Variants in TMEM67 observed in about 807,000 individuals in gnomAD.
The protein encoded by TMEM67 is transmembrane protein 67.
In TMEM67, 124 loss-of-function variants were observed where a neutral mutation model predicts 136.6. The ratio of observed to expected loss-of-function variants is 0.91; its 90% CI spans 0.78 to 1.05. TMEM67 has a LOEUF of 1.05. Ranked by LOEUF, TMEM67 falls within the 50% of genes least tolerant of loss-of-function variation. The pLI, the probability that TMEM67 is intolerant of heterozygous loss-of-function variation, is 0.00. For synonymous variants in TMEM67, 364 were observed against 390.5 expected (o/e 0.93, Z 0.80); for missense variants, 1,107 against 1,178.4 (o/e 0.94, Z 0.89).
intron 3 of TMEM67, chr8:93,759,976 A>C: frequency 6.5e-7 from 1 of 1,530,160 alleles, no homozygotes; most frequent in South Asian, 1.2e-5. Flanking sequence ...GGAATGTACA[A>C]CATAATTGAA....
chr8:93,792,972 C>T (rs927349196), intron 15 of TMEM67, among the ~76,000 whole-genome samples: 6 of 151,818 alleles, frequency 4.0e-5, no homozygotes, highest in East Asian at 1.9e-4. Flanking sequence ...CGGGTTTCAC[C>T]GTGTTAGCCA....
At chr8:93,793,151 C>T (rs1176663121) in intron 15 of TMEM67, 47 bp from the exon 16 acceptor site, 34 of 1,542,074 alleles carry the variant, frequency 2.2e-5, no homozygotes, top group East Asian at 4.5e-5. Context: ...TTTTGAACAC[C>T]GATGACAGAA....
chr8:93,828,064 T>G, the TMEM67 span, among the ~76,000 whole-genome samples: 1 of 152,180 alleles, frequency 6.6e-6, no homozygotes, highest in African/African-American at 2.4e-5. Context: ...TGAGCAGCTG[T>G]GCCAGCCCCA....
Position 93,814,135 on chromosome 8 carries a change from C to CTT in TMEM67, c.2765-1149_2765-1148dup, listed in dbSNP as rs55774610. 3.1e-3 allele frequency among the ~76,000 whole-genome samples: 191 copies of CTT among 60,782 alleles called. 2 individuals are homozygous for CTT. The highest frequency in any genetic ancestry group is 9.9e-3 in the African/African-American group (171 of 17,278). The allele number at this position is 60,782 out of a possible 152,430, so 39.9% of individuals were successfully genotyped here. On this transcript the variant is annotated intron_variant, in intron 26 of 27. Coordinates refer to ENST00000453321, the MANE Select transcript of TMEM67 (RefSeq NM_153704.6). ...TGTTTGCAAGAGTTGTATATGTATA[C>CTT]TTTTTTTTTTTTTTTTTTTTTTGAG... is the stretch of plus-strand genomic sequence containing the variant.
At chr8:93,768,706 A>G (rs1382744210) in intron 6 of TMEM67, among the ~76,000 whole-genome samples, 1 of 152,166 alleles carries the variant, frequency 6.6e-6, no homozygotes, top group Admixed American at 6.5e-5. Flanking sequence ...GATAAGTTTT[A>G]AGTATCTTCT....
chr8:93,781,644 T>C lies in TMEM67; in HGVS notation c.979-14T>C. 6.8e-7 allele frequency: 1 copy of C among 1,467,846 alleles called. No individual in the cohort carries two copies. Among genetic ancestry groups the C allele is most frequent in the South Asian group, 1.2e-5 (1 of 83,218 alleles). 90.9% of individuals were successfully genotyped at this position (1,467,846 alleles called of 1,614,324 possible). ...AGAGTATTTGACCTGATTTTGCTCG[T>C]TTTCTTTAATCAGAATACAAAACTG... On this transcript the variant is annotated splice_polypyrimidine_tract_variant and intron_variant, in intron 9 of 27. Transcript: ENST00000453321.
chr8:93,826,341 G>A, the TMEM67 span, among the ~76,000 whole-genome samples: 7 of 151,928 alleles, frequency 4.6e-5, no homozygotes, highest in Non-Finnish European at 1.0e-4. Context: ...GTGTTAGCCA[G>A]GATGGTCTTG....
chr8:93,822,955 A>G (rs558575453), downstream of TMEM67, among the ~76,000 whole-genome samples: 15 of 152,356 alleles, frequency 9.8e-5, no homozygotes, highest in African/African-American at 2.2e-4. Flanking sequence ...TCTATATACA[A>G]TTTCCCCAAA....
intron 7 of TMEM67, among the ~76,000 whole-genome samples, chr8:93,779,801 G>C (rs1236272315): frequency 6.6e-6 from 1 of 152,172 alleles, no homozygotes; most frequent in Admixed American, 6.5e-5. Flanking sequence ...CCTACTGGGA[G>C]GTGTCTCCCA....
intron 6 of TMEM67, among the ~76,000 whole-genome samples, chr8:93,766,387 G>A (rs1813084182): frequency 6.6e-6 from 1 of 152,108 alleles, no homozygotes. Context: ...CAAAGTGCTG[G>A]GATTACATGC....
intron 11 of TMEM67, among the ~76,000 whole-genome samples, chr8:93,784,378 G>T (rs1037293318): frequency 6.6e-6 from 1 of 152,200 alleles, no homozygotes; most frequent in Non-Finnish European, 1.5e-5. Flanking sequence ...ATTATGCCGT[G>T]TAATTAGGTA....
rs1184169158 is a variant in TMEM67, at chr8:93,797,437, CTT to C, written c.2069_2070del (p.Phe690SerfsTer25). The C allele has an allele frequency of 1.2e-6, 2 of 1,613,754 alleles. No homozygotes were observed. Among genetic ancestry groups the C allele is most frequent in the Non-Finnish European group, 1.7e-6 (2 of 1,179,846 alleles). ...AGACTGTGAGAAAAATTAATTCACT[CTT>C]TCAAGTACTTACTGTCCTCTTCTTT... is the stretch of plus-strand genomic sequence containing the variant. ...IQTVRKINSLFQVLTVLFFLE... is the reference protein window; with the variant it reads ...IQTVRKINSLXQVLTVLFFLE... On this transcript the variant is annotated frameshift_variant, in exon 20 of 28. Transcript: ENST00000453321. LOFTEE classifies it high-confidence loss of function.
At chr8:93,800,453 G>A (rs974683344) in intron 21 of TMEM67, among the ~76,000 whole-genome samples, 2 of 152,164 alleles carry the variant, frequency 1.3e-5, no homozygotes, top group Admixed American at 1.3e-4. Context: ...CTGAATATGG[G>A]ACTTGAATAT....
At chr8:93,761,492 G>T (rs1463784753) in intron 3 of TMEM67, among the ~76,000 whole-genome samples, 1 of 152,084 alleles carries the variant, frequency 6.6e-6, no homozygotes. Context: ...TTCTCATTTG[G>T]ATACACTTAA....
At chr8:93,792,509 T>C (rs917276841) in intron 15 of TMEM67, among the ~76,000 whole-genome samples, 18 of 152,104 alleles carry the variant, frequency 1.2e-4, no homozygotes, top group Non-Finnish European at 2.2e-4. Context: ...TTGATGATTT[T>C]GCCTGCAGAA....
At chr8:93,761,418 T>C (rs1434797221) in intron 3 of TMEM67, among the ~76,000 whole-genome samples, 1 of 152,220 alleles carries the variant, frequency 6.6e-6, no homozygotes, top group African/African-American at 2.4e-5. Context: ...GAAAGCAAAT[T>C]TATGGTGTTT....
downstream of TMEM67, among the ~76,000 whole-genome samples, chr8:93,819,418 T>A (rs1809008276): frequency 6.6e-6 from 1 of 151,580 alleles, no homozygotes; most frequent in Non-Finnish European, 1.5e-5. Flanking sequence ...ACAGGAAGAG[T>A]GGAGTATTGT....
intron 7 of TMEM67, among the ~76,000 whole-genome samples, chr8:93,778,178 C>G (rs1245033765): frequency 6.6e-6 from 1 of 152,088 alleles, no homozygotes; most frequent in Non-Finnish European, 1.5e-5. Flanking sequence ...ATTGCAATGC[C>G]TGCTTTCTTT....
intron 21 of TMEM67, among the ~76,000 whole-genome samples, chr8:93,802,944 G>GAGAT (rs1814931010): frequency 6.6e-6 from 1 of 152,150 alleles, no homozygotes; most frequent in South Asian, 2.1e-4. Flanking sequence ...GCAGGGACAT[G>GAGAT]AGATAGAGAG....
Sources: gnomAD v4.1 joint callset for allele counts (sites outside exome capture counted in the v4.1 genomes callset) on GRCh38, gnomAD v4.1.1 for gene constraint, MANE v1.5 for transcripts, NCBI Gene and HGNC (gene_info 2026-07-23, HGNC 2026-07-21) for gene names.